The following JAKMIP2 variants were observed in gnomAD, a reference collection of about 807,000 sequenced individuals.
JAKMIP2 encodes the protein janus kinase and microtubule-interacting protein 2.
In JAKMIP2, 25 loss-of-function variants were observed where a neutral mutation model predicts 115.0. The ratio of observed to expected loss-of-function variants is 0.22; its 90% confidence interval spans 0.16 to 0.30. JAKMIP2 has a LOEUF of 0.30. JAKMIP2 is among the 10% of genes least tolerant of loss of function. JAKMIP2 has a pLI of 1.00. For missense variants in JAKMIP2, 642 were observed against 957.6 expected, an observed-to-expected ratio of 0.67 and a Z score of 4.35; for synonymous variants, 334 against 343.6, an observed-to-expected ratio of 0.97 and a Z score of 0.31.
At position 147,714,428 on chromosome 5, in the gene JAKMIP2, G is replaced by A. The variant is rs114537250; in HGVS notation, c.-148-42474C>T. On this transcript the variant is annotated intron_variant, in intron 1 of 21. Coordinates refer to ENST00000616793, the MANE Select transcript of JAKMIP2 (RefSeq NM_001270941.2). ...GAAAAACAGGTCGAAAGCATGGAGA[G>A]ACCAAAAGACGGAAATGATGCAAGA... Among the ~76,000 whole-genome samples, 1,316 of 152,222 alleles carry A rather than the reference G, an allele frequency of 8.6e-3. 10 individuals carry two copies. Among genetic ancestry groups the A allele is most frequent in the Non-Finnish European group, 0.014 (922 of 68,022 alleles).
intron 1 of JAKMIP2, among the ~76,000 whole-genome samples, chr5:147,697,876 T>C (rs564753566): frequency 6.6e-6 from 1 of 152,304 alleles, no homozygotes; most frequent in African/African-American, 2.4e-5. Flanking sequence ...AAGGGAAATG[T>C]GGGGTTGGAG....
intron 18 of JAKMIP2, among the ~76,000 whole-genome samples, chr5:147,619,416 T>A (rs1039240983): frequency 6.6e-6 from 1 of 152,088 alleles, no homozygotes; most frequent in Admixed American, 6.6e-5. Context: ...AAGCTCAGAA[T>A]CTCTTACTCA....
chr5:147,695,593 C>T (rs1044367418), intron 1 of JAKMIP2, among the ~76,000 whole-genome samples: 1 of 151,794 alleles, frequency 6.6e-6, no homozygotes, highest in Non-Finnish European at 1.5e-5. Flanking sequence ...AGCTTCTGAC[C>T]AGCAAGTAAG....
chr5:147,689,879 A>G (rs1348202102), intron 1 of JAKMIP2, among the ~76,000 whole-genome samples: 1 of 152,218 alleles, frequency 6.6e-6, no homozygotes, highest in African/African-American at 2.4e-5. Flanking sequence ...ATAAACAAAC[A>G]TCCTTGCTTT....
At chr5:147,725,422 C>T (rs1231769176) in intron 1 of JAKMIP2, among the ~76,000 whole-genome samples, 2 of 152,182 alleles carry the variant, frequency 1.3e-5, no homozygotes, top group African/African-American at 4.8e-5. Flanking sequence ...GGACTCATCC[C>T]GAATTCTTTC....
chr5:147,747,493 A>T (rs1754390146), intron 1 of JAKMIP2, among the ~76,000 whole-genome samples: 1 of 152,086 alleles, frequency 6.6e-6, no homozygotes, highest in South Asian at 2.1e-4. Context: ...AAAGAAGCTG[A>T]CTCTGATCTG....
At chr5:147,655,944 GT>G (rs1392784547) in intron 3 of JAKMIP2, among the ~76,000 whole-genome samples, 1 of 152,026 alleles carries the variant, frequency 6.6e-6, no homozygotes, top group African/African-American at 2.4e-5. Flanking sequence ...CCTTAATTTT[GT>G]TATTTACCCA....
intron 1 of JAKMIP2, among the ~76,000 whole-genome samples, chr5:147,766,415 A>C (rs938708723): frequency 6.6e-6 from 1 of 152,214 alleles, no homozygotes; most frequent in African/African-American, 2.4e-5. Context: ...AACAAAACAA[A>C]AATCCAGAAT....
chr5:147,609,607 A>AT (rs955157413), intron 20 of JAKMIP2, among the ~76,000 whole-genome samples: 4 of 151,822 alleles, frequency 2.6e-5, no homozygotes, highest in Non-Finnish European at 4.4e-5. Context: ...TGTGCTTAAC[A>AT]TTTTTTTCCT....
chr5:147,717,386 G>C (rs1255449621), intron 1 of JAKMIP2, among the ~76,000 whole-genome samples: 2 of 146,454 alleles, frequency 1.4e-5, no homozygotes, highest in East Asian at 2.0e-4. Flanking sequence ...TGTGAAGAAA[G>C]GCATTGGTAG....
intron 21 of JAKMIP2, among the ~76,000 whole-genome samples, chr5:147,597,553 C>T (rs1581260939): frequency 6.6e-6 from 1 of 152,264 alleles, no homozygotes; most frequent in Admixed American, 6.5e-5. Flanking sequence ...TTCTGTGGTC[C>T]TCCCAACTTC....
At position 147,707,512 on chromosome 5, in the gene JAKMIP2, A is replaced by C. The variant is rs535695760; in HGVS notation, c.-148-35558T>G. ...TACTAGATTAATACCACATTATCTC[A>C]GAGTGACGCAGCCCCCTCCTAGGCC... On this transcript the variant is annotated intron_variant, in intron 1 of 21. Transcript: ENST00000616793. Among the ~76,000 whole-genome samples, 36 of 152,222 alleles carry C rather than the reference A, an allele frequency of 2.4e-4. 1 individual carries two copies. Among genetic ancestry groups the C allele is most frequent in the Admixed American group, 2.2e-3 (34 of 15,260 alleles).
At chr5:147,645,064 TG>T in intron 5 of JAKMIP2, 68 bp from the exon 6 acceptor site, 1 of 1,517,966 alleles carries the variant, frequency 6.6e-7, no homozygotes, top group Non-Finnish European at 9.0e-7. Flanking sequence ...AGTAAAGTGG[TG>T]GGAGTGAAAG....
intron 12 of JAKMIP2, among the ~76,000 whole-genome samples, chr5:147,635,541 CAT>C (rs1313831332): frequency 7.2e-5 from 11 of 152,152 alleles, no homozygotes; most frequent in Admixed American, 4.6e-4. Context: ...AAGTTCTATT[CAT>C]AGAGGTTTCT....
At position 147,618,539 on chromosome 5, in the gene JAKMIP2, C is replaced by A. The variant is rs561582417; in HGVS notation, c.2143-425G>T. Among the ~76,000 whole-genome samples the A allele has an allele frequency of 9.2e-5, 14 of 152,212 alleles. 1 individual carries two copies. Among genetic ancestry groups the A allele is most frequent in the African/African-American group, 3.4e-4 (14 of 41,522 alleles). On this transcript the variant is annotated intron_variant, in intron 18 of 21. Coordinates refer to ENST00000616793, the MANE Select transcript of JAKMIP2 (RefSeq NM_001270941.2). Reference sequence around the variant, plus strand: ...ATCATCTGAGGTCAGGAGTTCGAGACCAGCCTGGCCAATGTGGTGAAACCC... The same window carrying A: ...ATCATCTGAGGTCAGGAGTTCGAGAACAGCCTGGCCAATGTGGTGAAACCC...
At chr5:147,765,846 C>T (rs1039683103) in intron 1 of JAKMIP2, among the ~76,000 whole-genome samples, 6 of 151,996 alleles carry the variant, frequency 3.9e-5, no homozygotes, top group African/African-American at 1.4e-4. Context: ...ACAGTGTTTT[C>T]AAATCTACAT....
Position 147,744,945 on chromosome 5 carries a change from C to T in JAKMIP2, c.-149+37511G>A, listed in dbSNP as rs188970742. ...TGGTGGTGCGTGCCTGTAGTCTCAG[C>T]TAGTCAGGAGAATGAGGCAGGAGAA... On this transcript the variant is annotated intron_variant, in intron 1 of 21. Transcript: ENST00000616793. Among the ~76,000 whole-genome samples the T allele has an allele frequency of 2.5e-3, 374 of 151,406 alleles. 1 individual carries two copies. The highest frequency in any genetic ancestry group is 8.7e-3 in the African/African-American group (359 of 41,226).
In JAKMIP2 at chr5:147,728,536, G is replaced by A. The variant is rs113385292; in HGVS notation, c.-149+53920C>T. Among the ~76,000 whole-genome samples the A allele has an allele frequency of 1.8e-3, 273 of 152,146 alleles. 7 individuals are homozygous for A. The highest frequency in any genetic ancestry group is 6.3e-3 in the African/African-American group (260 of 41,506). On this transcript the variant is annotated intron_variant, in intron 1 of 21. Transcript: ENST00000616793. ...ACTGGCAAATGAAAAAAACTTACACGTACTGAAACTATTTCTGTCTGTGTA... is the reference window on the plus strand; with the variant it reads ...ACTGGCAAATGAAAAAAACTTACACATACTGAAACTATTTCTGTCTGTGTA...
chr5:147,628,813 A>G lies in JAKMIP2; in HGVS notation c.1933T>C (p.Leu645=). 6.2e-7 allele frequency: 1 copy of G among 1,612,288 alleles called. No individual in the cohort carries two copies. Among genetic ancestry groups the G allele is most frequent in the Non-Finnish European group, 8.5e-7 (1 of 1,178,730 alleles). The change falls in exon 16 of 22, where the codon TTA becomes CTA. Residue 645 remains leucine (L), a synonymous_variant. Coordinates refer to ENST00000616793, the MANE Select transcript of JAKMIP2 (RefSeq NM_001270941.2). ...ATGGCCACTTGTTCTTCATTTCTTA[A>G]ATTCTGTAAAAAATAAGAAAGGCCG... is the stretch of plus-strand genomic sequence containing the variant. The part of the protein sequence containing the change: ...QLDILGDNGN[L]RNEEQVAIIQ...
Sources: allele counts gnomAD v4.1 joint callset (sites outside exome capture counted in the v4.1 genomes callset), GRCh38; gene constraint gnomAD v4.1.1; transcripts MANE v1.5; gene names NCBI Gene and HGNC (gene_info 2026-07-23, HGNC 2026-07-21).